The following CABCOCO1 variants were observed in gnomAD, a reference collection of about 807,000 sequenced individuals.
The protein encoded by CABCOCO1 is ciliary-associated calcium-binding coiled-coil protein 1.
In CABCOCO1, 28 loss-of-function variants were observed where a neutral mutation model predicts 35.7. The observed-to-expected ratio is 0.78, with a 90% CI of 0.58 to 1.07. The LOEUF is 1.07. Ranked by LOEUF, CABCOCO1 falls within the 50% of genes least tolerant of loss-of-function variation. The pLI is 0.00. For synonymous variants in CABCOCO1, 95 were observed against 100.1 expected (o/e 0.95, Z 0.30); for missense variants, 326 against 309.2 (o/e 1.05, Z -0.41).
intron 5 of CABCOCO1, among the ~76,000 whole-genome samples, chr10:61,706,309 A>T (rs1840591357): frequency 1.3e-5 from 2 of 152,228 alleles, no homozygotes; most frequent in Admixed American, 1.3e-4. Flanking sequence ...AGAGAAGGGA[A>T]CGCAGTTCAT....
At chr10:61,703,740 T>C (rs1262551601) in intron 5 of CABCOCO1, among the ~76,000 whole-genome samples, 10 of 150,414 alleles carry the variant, frequency 6.6e-5, no homozygotes, top group Non-Finnish European at 1.3e-4. Context: ...CACACACACA[T>C]ATGCACGCAC....
intron 5 of CABCOCO1, among the ~76,000 whole-genome samples, chr10:61,752,858 G>A (rs534959877): frequency 1.3e-5 from 2 of 152,220 alleles, no homozygotes; most frequent in African/African-American, 4.8e-5. Flanking sequence ...TGTGGACTTC[G>A]GGACTGAAGT....
intron 5 of CABCOCO1, among the ~76,000 whole-genome samples, chr10:61,758,498 A>G (rs1291345832): frequency 6.6e-6 from 1 of 152,142 alleles, no homozygotes; most frequent in African/African-American, 2.4e-5. Context: ...TGTTTTCTCA[A>G]TATTCTATTT....
intron 5 of CABCOCO1, among the ~76,000 whole-genome samples, chr10:61,698,569 C>G (rs537303665): frequency 6.6e-6 from 1 of 152,238 alleles, no homozygotes; most frequent in South Asian, 2.1e-4. Context: ...CACTTAAGGT[C>G]AATAAATGCA....
At chr10:61,762,814 A>G (rs960692253) in intron 7 of CABCOCO1, among the ~76,000 whole-genome samples, 2 of 152,042 alleles carry the variant, frequency 1.3e-5, no homozygotes, top group African/African-American at 4.8e-5. Context: ...ATAACTTCTA[A>G]TATCACAACC....
At chr10:61,722,804 T>C in intron 5 of CABCOCO1, among the ~76,000 whole-genome samples, 1 of 151,632 alleles carries the variant, frequency 6.6e-6, no homozygotes, top group South Asian at 2.1e-4. Context: ...CGCAGAGAAA[T>C]GTGGTTGAAG....
At chr10:61,711,078 A>G (rs1324512520) in intron 5 of CABCOCO1, among the ~76,000 whole-genome samples, 1 of 152,044 alleles carries the variant, frequency 6.6e-6, no homozygotes, top group Admixed American at 6.6e-5. Flanking sequence ...GGATAAATAG[A>G]AATAAATAGT....
intron 5 of CABCOCO1, among the ~76,000 whole-genome samples, chr10:61,747,345 T>C (rs1753048936): frequency 6.6e-6 from 1 of 152,186 alleles, no homozygotes. Flanking sequence ...AAACAGAAGC[T>C]GAAGAAATAG....
intron 5 of CABCOCO1, among the ~76,000 whole-genome samples, chr10:61,703,725 A>T (rs1018491826): frequency 2.1e-4 from 32 of 150,688 alleles, no homozygotes; most frequent in East Asian, 7.8e-4. Flanking sequence ...TCTCTCTCTC[A>T]CACACACACA....
rs187848529 is a variant in CABCOCO1 at position 61,699,885 on chromosome 10, G to A, written c.552+9264G>A. Among the ~76,000 whole-genome samples the A allele has an allele frequency of 1.1e-3, 170 of 152,174 alleles. 1 individual carries two copies. Among genetic ancestry groups the A allele is most frequent in the African/African-American group, 3.9e-3 (161 of 41,522 alleles). On this transcript the variant is annotated intron_variant, in intron 5 of 7. Transcript: ENST00000648843. ...TGTTTCTCCTGTTTTTCTGAGTATA[G>A]GAGTTACATACATTCACCTAGTGTT...
At chr10:61,678,418 A>G (rs1839590662) in intron 2 of CABCOCO1, among the ~76,000 whole-genome samples, 1 of 152,166 alleles carries the variant, frequency 6.6e-6, no homozygotes, top group South Asian at 2.1e-4. Flanking sequence ...TACCACCACC[A>G]TCATCAGGAT....
intron 5 of CABCOCO1, among the ~76,000 whole-genome samples, chr10:61,759,043 C>T (rs1841955278): frequency 1.3e-5 from 2 of 151,408 alleles, no homozygotes; most frequent in African/African-American, 2.4e-5. Flanking sequence ...ATAATTATTT[C>T]GTGAATTTAT....
intron 5 of CABCOCO1, among the ~76,000 whole-genome samples, chr10:61,731,794 A>AG (rs1320701624): frequency 9.5e-5 from 7 of 73,446 alleles, no homozygotes; most frequent in Non-Finnish European, 1.6e-4. Context: ...GAGGGAGGGA[A>AG]GGGGGGGAAA....
chr10:61,715,468 TC>T (rs1840840493), intron 5 of CABCOCO1, among the ~76,000 whole-genome samples: 1 of 152,208 alleles, frequency 6.6e-6, no homozygotes, highest in African/African-American at 2.4e-5. Flanking sequence ...CTTTATCCAA[TC>T]TGCCAGTCTG....
intron 5 of CABCOCO1, among the ~76,000 whole-genome samples, chr10:61,706,583 A>G (rs1394202998): frequency 6.6e-6 from 1 of 152,142 alleles, no homozygotes; most frequent in East Asian, 1.9e-4. Flanking sequence ...AAACAGTCCT[A>G]TGTTAAATAT....
intron 5 of CABCOCO1, among the ~76,000 whole-genome samples, chr10:61,714,414 A>G (rs1589136702): frequency 6.6e-6 from 1 of 151,992 alleles, no homozygotes; most frequent in Admixed American, 6.6e-5. Context: ...CTTCTTTATT[A>G]GTCTTGCTAG....
intron 2 of CABCOCO1, among the ~76,000 whole-genome samples, chr10:61,674,889 TA>T (rs1425423745): frequency 1.3e-5 from 2 of 152,124 alleles, no homozygotes; most frequent in African/African-American, 4.8e-5. Flanking sequence ...CAATTTTTTT[TA>T]AAAAAGAATA....
chr10:61,692,561 A>G (rs1330459913), intron 5 of CABCOCO1, among the ~76,000 whole-genome samples: 1 of 152,248 alleles, frequency 6.6e-6, no homozygotes. Context: ...TTTTCCTGAT[A>G]TTAAGAACCA....
At chr10:61,712,316 G>T (rs925202495) in intron 5 of CABCOCO1, among the ~76,000 whole-genome samples, 1 of 152,178 alleles carries the variant, frequency 6.6e-6, no homozygotes, top group Admixed American at 6.5e-5. Context: ...CTTCTGAGAA[G>T]TGTCTGTTCA....
Sources: gnomAD v4.1 joint callset for allele counts (sites outside exome capture counted in the v4.1 genomes callset) on GRCh38, gnomAD v4.1.1 for gene constraint, MANE v1.5 for transcripts, NCBI Gene and HGNC (gene_info 2026-07-23, HGNC 2026-07-21) for gene names.